SP140L: variants seen among roughly 807,000 people sequenced by gnomAD.
The protein encoded by SP140L is nuclear body protein SP140-like protein.
SP140L carries 64 observed loss-of-function variants against 84.3 expected under a neutral mutation model. The observed-to-expected ratio is 0.76, with a 90% CI of 0.62 to 0.94. SP140L has a LOEUF of 0.94. SP140L is among the 40% of genes least tolerant of loss of function. The pLI, the probability that SP140L is intolerant of heterozygous loss-of-function variation, is 0.00. For missense variants in SP140L, 628 were observed against 692.5 expected (o/e 0.91, Z 1.05); for synonymous variants, 242 against 236.9 (o/e 1.02, Z -0.20).
intron 2 of SP140L, among the ~76,000 whole-genome samples, chr2:230,337,057 A>G (rs1230813042): frequency 1.3e-5 from 2 of 152,242 alleles, no homozygotes; most frequent in African/African-American, 4.8e-5. Context: ...TAGATCCTTG[A>G]GGAATCGCCA....
At chr2:230,388,072 C>G (rs1202231566) in intron 9 of SP140L, among the ~76,000 whole-genome samples, 1 of 152,094 alleles carries the variant, frequency 6.6e-6, no homozygotes, top group African/African-American at 2.4e-5. Flanking sequence ...TAAGAGAAAC[C>G]CAAACACCTT....
intron 4 of SP140L, among the ~76,000 whole-genome samples, chr2:230,361,102 A>G (rs773556578): frequency 1.4e-4 from 21 of 152,046 alleles, no homozygotes; most frequent in Admixed American, 3.9e-4. Context: ...GGTGCACACA[A>G]CCACATCAGG....
intron 9 of SP140L, among the ~76,000 whole-genome samples, chr2:230,388,085 C>T (rs1482811664): frequency 6.6e-6 from 1 of 152,172 alleles, no homozygotes; most frequent in Non-Finnish European, 1.5e-5. Context: ...AACACCTTCA[C>T]TTAATTTTGT....
chr2:230,349,522 T>G (rs2060303609), intron 2 of SP140L, among the ~76,000 whole-genome samples: 1 of 152,196 alleles, frequency 6.6e-6, no homozygotes, highest in African/African-American at 2.4e-5. Flanking sequence ...TTATTTAGAT[T>G]GTTAATTTCT....
chr2:230,370,991 G>T (rs1177387218), intron 6 of SP140L, 24 bp downstream of exon 6: 13 of 1,611,294 alleles, frequency 8.1e-6, no homozygotes, highest in Admixed American at 1.7e-5. Flanking sequence ...AGGGCTGTGG[G>T]ATGGGGTGGC....
chr2:230,337,766 G>T (rs1446289922), intron 2 of SP140L, among the ~76,000 whole-genome samples: 2 of 151,918 alleles, frequency 1.3e-5, no homozygotes, highest in Admixed American at 6.6e-5. Flanking sequence ...TTTCCCCATT[G>T]CTTGTTTTTC....
chr2:230,361,764 G>T, intron 5 of SP140L, 67 bp downstream of exon 5: 1 of 1,240,176 alleles, frequency 8.1e-7, no homozygotes. Flanking sequence ...GGAGGTGAGG[G>T]CCCAAGGTCC....
chr2:230,347,690 A>C (rs1452046501), intron 2 of SP140L, among the ~76,000 whole-genome samples: 1 of 152,108 alleles, frequency 6.6e-6, no homozygotes, highest in African/African-American at 2.4e-5. Context: ...TCAAGGACGT[A>C]TGTTAGGCTT....
At chr2:230,385,099 G>A (rs2061530635) in intron 8 of SP140L, 125 bp from the exon 9 acceptor site, 2 of 812,446 alleles carry the variant, frequency 2.5e-6, no homozygotes, top group East Asian at 2.5e-5. Flanking sequence ...AGCAGAAAAT[G>A]CTCTGGACAC....
chr2:230,342,348 C>A (rs540517317), intron 2 of SP140L, among the ~76,000 whole-genome samples: 1 of 152,208 alleles, frequency 6.6e-6, no homozygotes, highest in Non-Finnish European at 1.5e-5. Context: ...GCCCTGCTTC[C>A]GCTCGCGCAC....
chr2:230,358,984 A>G lies in SP140L; in HGVS notation c.291A>G (p.Arg97=). Residue 97 remains arginine, a synonymous_variant, in exon 4 of 19, where the codon AGA becomes AGG. Transcript: ENST00000415673. ...TAAAGGATTCTGAAGATTCTTGTAG[A>G]AACCTGGTCCCTGTACAAAGAGTGG... ...KMFEDSEDSC[R]NLVPVQRVVY... is the part of the protein sequence containing the mutation. The G allele has an allele frequency of 6.3e-7, 1 of 1,585,830 alleles. No homozygotes were observed. The highest frequency in any genetic ancestry group is 1.2e-5 in the South Asian group (1 of 84,980).
chr2:230,392,294 G>A, intron 12 of SP140L, 65 bp downstream of exon 12: 2 of 1,599,706 alleles, frequency 1.3e-6, no homozygotes, highest in African/African-American at 1.3e-5. Context: ...TGAGGAGACT[G>A]TTTATTCACC....
At chr2:230,365,227 A>T (rs1218344135) in intron 5 of SP140L, among the ~76,000 whole-genome samples, 1 of 152,084 alleles carries the variant, frequency 6.6e-6, no homozygotes, top group Non-Finnish European at 1.5e-5. Context: ...GAAAAGTATC[A>T]GTATTTATTA....
intron 7 of SP140L, among the ~76,000 whole-genome samples, chr2:230,382,583 CT>C (rs1185508229): frequency 6.6e-6 from 1 of 152,154 alleles, no homozygotes; most frequent in Non-Finnish European, 1.5e-5. Flanking sequence ...TTTTCATTAG[CT>C]GTGTCTGGAG....
rs372701558 is a variant in SP140L, at chr2:230,402,870, A to G, written c.1717A>G (p.Ile573Val). ...GAAGGATTTCAAGGAAGTGTTTGCT[A>G]TTCAGGAAACAAATGGGAACAGTTG... ...FEKDFKEVFA[I>V]QETNGNS Residue 573 changes from isoleucine to valine, a missense_variant, in exon 19 of 19, where the codon ATT becomes GTT. Transcript: ENST00000415673. 1.2e-6 allele frequency: 2 copies of G among 1,613,066 alleles called. No homozygotes were observed. The highest frequency in any genetic ancestry group is 1.3e-5 in the African/African-American group (1 of 74,872).
chr2:230,389,534 G>T (rs920198990), intron 10 of SP140L, among the ~76,000 whole-genome samples: 1 of 152,088 alleles, frequency 6.6e-6, no homozygotes, highest in Non-Finnish European at 1.5e-5. Flanking sequence ...ACTGATTATG[G>T]TCTCTGGCTT....
chr2:230,336,699 A>G (rs2059892654), intron 2 of SP140L, among the ~76,000 whole-genome samples: 1 of 152,206 alleles, frequency 6.6e-6, no homozygotes, highest in African/African-American at 2.4e-5. Flanking sequence ...TCAACTTCTA[A>G]CAGAGATGCC....
At chr2:230,331,488 A>G (rs920111519) in intron 2 of SP140L, among the ~76,000 whole-genome samples, 9 of 152,172 alleles carry the variant, frequency 5.9e-5, no homozygotes, top group Non-Finnish European at 1.3e-4. Context: ...TCTTGTTTCA[A>G]TACTGAACTG....
At chr2:230,356,724 G>A (rs2060560489) in intron 2 of SP140L, among the ~76,000 whole-genome samples, 1 of 152,144 alleles carries the variant, frequency 6.6e-6, no homozygotes, top group South Asian at 2.1e-4. Context: ...CACCACGATT[G>A]CTTTCCTAAC....
Sources: allele counts gnomAD v4.1 joint callset (sites outside exome capture counted in the v4.1 genomes callset), GRCh38; gene constraint gnomAD v4.1.1; transcripts MANE v1.5; gene names NCBI Gene and HGNC (gene_info 2026-07-23, HGNC 2026-07-21).